The following MTRF1 variants were observed in gnomAD, a reference collection of about 807,000 sequenced individuals.
MTRF1 encodes peptide chain release factor 1, mitochondrial.
In MTRF1, 51 loss-of-function variants were observed where a neutral mutation model predicts 62.9. That is an observed-to-expected ratio of 0.81 (90% confidence interval 0.65 to 1.02). The LOEUF is 1.02. Among genes scored for constraint, MTRF1 ranks in the 50% least tolerant of loss-of-function variants. The probability of loss-of-function intolerance (pLI) is 0.00; values close to 1 mark genes in which losing one functional copy is unlikely to be tolerated. For missense variants in MTRF1, 446 were observed against 530.0 expected, an observed-to-expected ratio of 0.84 and a Z score of 1.56; for synonymous variants, 158 against 181.9, an observed-to-expected ratio of 0.87 and a Z score of 1.06.
intron 5 of MTRF1, among the ~76,000 whole-genome samples, chr13:41,245,772 T>C (rs1174574500): frequency 6.6e-6 from 1 of 152,238 alleles, no homozygotes; most frequent in Admixed American, 6.5e-5. Flanking sequence ...TTTTCTAACT[T>C]CACAGAGTTC....
At chr13:41,274,693 T>TA in the MTRF1 span, among the ~76,000 whole-genome samples, 216 of 148,264 alleles carry the variant, frequency 1.5e-3, no homozygotes, top group African/African-American at 5.1e-3. Flanking sequence ...ATAATAATAA[T>TA]ATTATTTTTT....
At chr13:41,255,947 C>T (rs56371942) in intron 2 of MTRF1, among the ~76,000 whole-genome samples, 8,073 of 152,004 alleles carry the variant, frequency 0.053, 264 homozygotes, top group Non-Finnish European at 0.08. Flanking sequence ...TAAAAAATTC[C>T]GACCCTTAAT....
At chr13:41,295,878 A>G in the MTRF1 span, among the ~76,000 whole-genome samples, 3 of 152,148 alleles carry the variant, frequency 2.0e-5, no homozygotes, top group African/African-American at 7.2e-5. Context: ...GGCTCAAGTG[A>G]TCCTCCCACC....
the MTRF1 span, among the ~76,000 whole-genome samples, chr13:41,286,906 G>C: frequency 2.0e-5 from 3 of 152,170 alleles, no homozygotes; most frequent in Non-Finnish European, 4.4e-5. Flanking sequence ...GCGTTAAATG[G>C]CAATGTTTCA....
chr13:41,246,242 G>A (rs1478061516), intron 5 of MTRF1, among the ~76,000 whole-genome samples: 5 of 151,962 alleles, frequency 3.3e-5, no homozygotes, highest in African/African-American at 1.2e-4. Context: ...GGCAATTGGT[G>A]GTTTGTTTTG....
At chr13:41,238,536 T>TA (rs2037037139) in intron 6 of MTRF1, among the ~76,000 whole-genome samples, 1 of 152,100 alleles carries the variant, frequency 6.6e-6, no homozygotes, top group African/African-American at 2.4e-5. Context: ...TGCCAGTTAA[T>TA]AAATGTGGAA....
chr13:41,274,503 T>C, the MTRF1 span, among the ~76,000 whole-genome samples: 2 of 152,050 alleles, frequency 1.3e-5, no homozygotes, highest in South Asian at 4.1e-4. Flanking sequence ...TATAACTGGT[T>C]AAAGAAAATG....
At chr13:41,272,213 AAGTGTC>A in the MTRF1 span, among the ~76,000 whole-genome samples, 1 of 152,144 alleles carries the variant, frequency 6.6e-6, no homozygotes, top group Admixed American at 6.5e-5. Context: ...ACACCACAAA[AAGTGTC>A]AGTGGTGCCT....
At chr13:41,286,010 G>A in the MTRF1 span, among the ~76,000 whole-genome samples, 1 of 148,886 alleles carries the variant, frequency 6.7e-6, no homozygotes, top group Admixed American at 6.8e-5. Flanking sequence ...GTTGCAGTGA[G>A]CCGAGATCGA....
At chr13:41,277,653 C>A in the MTRF1 span, among the ~76,000 whole-genome samples, 1 of 152,180 alleles carries the variant, frequency 6.6e-6, no homozygotes, top group Non-Finnish European at 1.5e-5. Context: ...CAAAATCTAT[C>A]CAAACTCTGT....
chr13:41,263,432 T>A, intron 1 of MTRF1, 53 bp downstream of exon 1: 1 of 457,316 alleles, frequency 2.2e-6, no homozygotes, highest in South Asian at 1.8e-5. Flanking sequence ...AGTGATTCCA[T>A]AAAGAGGCAA....
the MTRF1 span, among the ~76,000 whole-genome samples, chr13:41,283,857 G>A: frequency 2.6e-5 from 4 of 152,008 alleles, no homozygotes; most frequent in Non-Finnish European, 2.9e-5. Context: ...GATTACAGGC[G>A]TGAGCCACCG....
At position 41,240,310 on chromosome 13, in the gene MTRF1, C is replaced by A; in HGVS notation, c.821G>T (p.Arg274Leu). 4 of 1,612,868 alleles carry A rather than the reference C, an allele frequency of 2.5e-6. No homozygotes were observed. The highest frequency in any genetic ancestry group is 3.4e-6 in the Non-Finnish European group (4 of 1,179,428). ...PEVGLSSRMQ[R>L]IHTGTMSVIV... Reference sequence around the variant, plus strand: ...AACCGACATCGTTCCTGTGTGAATGCGCTGCATCCTTGAGGACAGGCCCAC... The same window carrying A: ...AACCGACATCGTTCCTGTGTGAATGAGCTGCATCCTTGAGGACAGGCCCAC... The change falls in exon 6 of 10, where the codon CGC becomes CTC. Residue 274 changes from arginine (R) to leucine (L), a missense_variant. Physicochemically the swap from Arg to Leu is moderately radical, Grantham distance 102. Transcript: ENST00000379480.
Position 41,249,619 on chromosome 13 carries a change from CTT to C in MTRF1, c.697+3024_697+3025del, listed in dbSNP as rs1166204914. Among the ~76,000 whole-genome samples, 384 of 61,470 alleles carry C rather than the reference CTT, an allele frequency of 6.2e-3. 1 individual carries two copies. Among genetic ancestry groups the C allele is most frequent in the African/African-American group, 0.014 (191 of 13,938 alleles). The allele number at this position is 61,470 out of a possible 152,430, so 40.3% of individuals were successfully genotyped here. On this transcript the variant is annotated intron_variant, in intron 5 of 9. Transcript: ENST00000379480. ...TATTCTTAGTCTTTGATTTTTTTTT[CTT>C]TTTTTTTTTTTTTTTTTTTTTTTGG... is the stretch of plus-strand genomic sequence containing the variant.
chr13:41,254,898 A>T (rs2039513533), intron 2 of MTRF1, among the ~76,000 whole-genome samples: 1 of 152,150 alleles, frequency 6.6e-6, no homozygotes, highest in South Asian at 2.1e-4. Flanking sequence ...ATCTCTAATC[A>T]ATCTATTAAC....
At chr13:41,268,144 C>G (rs1047746697), upstream of MTRF1, among the ~76,000 whole-genome samples, 1 of 152,050 alleles carries the variant, frequency 6.6e-6, no homozygotes, top group Non-Finnish European at 1.5e-5. Flanking sequence ...TAAACAAAAG[C>G]CTTATAATTC....
chr13:41,311,958 C>CT, the MTRF1 span, among the ~76,000 whole-genome samples: 1 of 152,230 alleles, frequency 6.6e-6, no homozygotes, highest in African/African-American at 2.4e-5. Context: ...GTTTATTTTG[C>CT]CAGTCTCTCC....
the MTRF1 span, among the ~76,000 whole-genome samples, chr13:41,284,620 A>G: frequency 0.075 from 11,418 of 152,066 alleles, 1,436 homozygotes; most frequent in African/African-American, 0.26. Context: ...AATAGTCAAC[A>G]GGCTCTAAAT....
chr13:41,268,659 T>C, the MTRF1 span, among the ~76,000 whole-genome samples: 2 of 152,154 alleles, frequency 1.3e-5, no homozygotes, highest in African/African-American at 4.8e-5. Context: ...TTATATGAGC[T>C]GAAAATGAAT....
Sources: gnomAD v4.1 joint callset for allele counts (sites outside exome capture counted in the v4.1 genomes callset) on GRCh38, gnomAD v4.1.1 for gene constraint, MANE v1.5 for transcripts, NCBI Gene and HGNC (gene_info 2026-07-23, HGNC 2026-07-21) for gene names.